The following ZNF44 variants were observed in gnomAD, a reference collection of about 807,000 sequenced individuals.
ZNF44 encodes gonadotropin inducible transcription repressor-2.
A neutral mutation model predicts 11.7 loss-of-function variants in ZNF44; 9 were observed. The ratio of observed to expected loss-of-function variants is 0.77; its 90% CI spans 0.46 to 1.35. The LOEUF (loss-of-function observed/expected upper bound fraction) is 1.35, where lower values mean the gene tolerates loss of function less well. ZNF44 is among the 40% of genes most tolerant of loss of function. ZNF44 has a pLI of 0.00. For missense variants in ZNF44, 696 were observed against 743.1 expected (o/e 0.94, Z 0.74); for synonymous variants, 224 against 242.7 (o/e 0.92, Z 0.72).
chr19:12,264,740 G>A (rs1423766388), intron 5 of ZNF44, among the ~76,000 whole-genome samples: 1 of 152,030 alleles, frequency 6.6e-6, no homozygotes, highest in African/African-American at 2.4e-5. Flanking sequence ...CTGTCACCCA[G>A]GTTGGAGTGC....
intron 1 of ZNF44, among the ~76,000 whole-genome samples, chr19:12,288,690 G>A (rs953908778): frequency 1.0e-4 from 15 of 148,194 alleles, no homozygotes; most frequent in South Asian, 2.1e-4. Flanking sequence ...GGAGGGAGGC[G>A]GAGGTTGCAG....
chr19:12,235,605 A>C (rs146842095), intron 1 of ZNF44, among the ~76,000 whole-genome samples: 18 of 152,302 alleles, frequency 1.2e-4, no homozygotes, highest in African/African-American at 4.3e-4. Flanking sequence ...GTATAAAAAG[A>C]ATTATACACC....
chr19:12,254,141 T>TA (rs1248260718), intron 5 of ZNF44, among the ~76,000 whole-genome samples: 7 of 147,480 alleles, frequency 4.7e-5, no homozygotes, highest in Admixed American at 4.7e-4. Context: ...TTGTGGGACA[T>TA]AAAACAAACC....
chr19:12,280,191 C>T (rs1967414434), intron 1 of ZNF44, among the ~76,000 whole-genome samples: 2 of 152,102 alleles, frequency 1.3e-5, no homozygotes, highest in South Asian at 4.2e-4. Flanking sequence ...TGCACTCCAG[C>T]CTGGGAAACA....
exon 8 of ZNF44, chr19:12,247,906 A>G (rs866677709): frequency 1.5e-6 from 2 of 1,329,278 alleles, no homozygotes; most frequent in African/African-American, 3.1e-5. Flanking sequence ...TGAGCAGTAC[A>G]GTGGTAACTG....
At chr19:12,228,160 A>C (rs1915997642) in intron 3 of ZNF44, among the ~76,000 whole-genome samples, 1 of 105,560 alleles carries the variant, frequency 9.5e-6, no homozygotes, top group Non-Finnish European at 1.9e-5. Context: ...TAAACCTTCA[A>C]AACAATTGTT....
chr19:12,294,567 A>C, intron 1 of ZNF44, 125 bp downstream of exon 1: 1 of 1,324,884 alleles, frequency 7.5e-7, no homozygotes, highest in Non-Finnish European at 1.0e-6. Flanking sequence ...CGAGGTGCGC[A>C]GGGGGCGCTC....
At chr19:12,237,103 T>C (rs1599487268) in intron 1 of ZNF44, 1 of 152,298 alleles carries the variant, frequency 6.6e-6, no homozygotes, top group South Asian at 2.1e-4. Flanking sequence ...AAAGGCAGGA[T>C]TGGGAACCCC....
chr19:12,245,056 G>A (rs1185483721), downstream of ZNF44, among the ~76,000 whole-genome samples: 1 of 151,940 alleles, frequency 6.6e-6, no homozygotes, highest in Non-Finnish European at 1.5e-5. Context: ...TTGTTCCTGT[G>A]GTATTCTAAA....
At chr19:12,251,329 C>CAAAAA (rs58014346) in intron 5 of ZNF44, among the ~76,000 whole-genome samples, 1 of 132,980 alleles carries the variant, frequency 7.5e-6, no homozygotes, top group African/African-American at 2.7e-5. Flanking sequence ...GACTCTGTCT[C>CAAAAA]AAAAAAAAAA....
intron 1 of ZNF44, among the ~76,000 whole-genome samples, chr19:12,289,347 A>T (rs774640895): frequency 2.6e-5 from 4 of 152,042 alleles, no homozygotes; most frequent in Non-Finnish European, 4.4e-5. Flanking sequence ...AAAGGAAACT[A>T]TTTAAGTTTC....
intron 5 of ZNF44, among the ~76,000 whole-genome samples, chr19:12,263,984 T>G (rs947671692): frequency 2.0e-4 from 30 of 150,966 alleles, no homozygotes; most frequent in Non-Finnish European, 2.8e-4. Context: ...TCCTAGCTAC[T>G]TGGGAGGCTG....
downstream of ZNF44, among the ~76,000 whole-genome samples, chr19:12,271,182 A>C (rs1452059291): frequency 6.6e-6 from 1 of 152,216 alleles, no homozygotes; most frequent in African/African-American, 2.4e-5. Context: ...CAAGTGTTAA[A>C]GATAATCAAC....
downstream of ZNF44, among the ~76,000 whole-genome samples, chr19:12,268,173 C>A (rs1031189316): frequency 1.4e-5 from 2 of 142,822 alleles, no homozygotes; most frequent in South Asian, 4.5e-4. Flanking sequence ...CACACACACA[C>A]ACACACACAA....
intron 5 of ZNF44, among the ~76,000 whole-genome samples, chr19:12,256,056 A>AAG (rs1424037875): frequency 1.8e-4 from 27 of 150,280 alleles, no homozygotes; most frequent in Admixed American, 4.6e-4. Context: ...AAAAAAAAAA[A>AAG]AAAAAAAACA....
intron 3 of ZNF44, among the ~76,000 whole-genome samples, chr19:12,274,710 C>T (rs1030681149): frequency 3.3e-5 from 5 of 151,954 alleles, no homozygotes; most frequent in Non-Finnish European, 5.9e-5. Flanking sequence ...GCTGGGATTG[C>T]GGGCATGAGC....
intron 2 of ZNF44, among the ~76,000 whole-genome samples, chr19:12,232,273 A>G (rs1276460711): frequency 6.6e-6 from 1 of 152,138 alleles, no homozygotes; most frequent in East Asian, 1.9e-4. Flanking sequence ...GAGACATTCC[A>G]TTGCCCAGGG....
At chr19:12,228,589 C>T (rs1230580822) in intron 3 of ZNF44, among the ~76,000 whole-genome samples, 1 of 152,160 alleles carries the variant, frequency 6.6e-6, no homozygotes, top group African/African-American at 2.4e-5. Context: ...CTTTCACAGT[C>T]TGACATGCCT....
At chr19:12,269,643 G>A (rs984709493), downstream of ZNF44, among the ~76,000 whole-genome samples, 1 of 152,222 alleles carries the variant, frequency 6.6e-6, no homozygotes, top group Non-Finnish European at 1.5e-5. Flanking sequence ...AATTACAGAT[G>A]TTGTGTCACC....
Sources: allele counts gnomAD v4.1 joint callset (sites outside exome capture counted in the v4.1 genomes callset), GRCh38; gene constraint gnomAD v4.1.1; transcripts MANE v1.5; gene names NCBI Gene and HGNC (gene_info 2026-07-23, HGNC 2026-07-21).